ZDHHC20: variants seen among roughly 807,000 people sequenced by gnomAD.
ZDHHC20 encodes palmitoyltransferase ZDHHC20.
Under a neutral mutation model 57.8 loss-of-function variants are expected in ZDHHC20, and 43 were observed. The observed-to-expected ratio is 0.74, with a 90% CI of 0.58 to 0.96. The LOEUF is 0.96. Among genes scored for constraint, ZDHHC20 ranks in the 40% least tolerant of loss-of-function variants. The pLI is 0.00. For synonymous variants in ZDHHC20, 157 were observed against 153.0 expected (o/e 1.03, Z -0.19); for missense variants, 391 against 441.1 (o/e 0.89, Z 1.02).
chr13:21,445,953 T>G (rs1007944167), intron 1 of ZDHHC20, among the ~76,000 whole-genome samples: 1 of 152,130 alleles, frequency 6.6e-6, no homozygotes, highest in Non-Finnish European at 1.5e-5. Flanking sequence ...TGCGGAAATC[T>G]GGGAGGAAAG....
chr13:21,446,003 G>A (rs777400203), intron 1 of ZDHHC20, among the ~76,000 whole-genome samples: 5 of 152,202 alleles, frequency 3.3e-5, no homozygotes, highest in Non-Finnish European at 7.3e-5. Context: ...AGGGTCCTCA[G>A]GTGGCCTGAC....
chr13:21,397,783 C>T (rs1385774487), intron 7 of ZDHHC20, among the ~76,000 whole-genome samples: 2 of 152,120 alleles, frequency 1.3e-5, no homozygotes, highest in African/African-American at 2.4e-5. Context: ...ACAAAAAAGA[C>T]ATGCCAGTAG....
At chr13:21,446,865 T>G (rs952519053) in intron 1 of ZDHHC20, among the ~76,000 whole-genome samples, 2 of 152,028 alleles carry the variant, frequency 1.3e-5, no homozygotes, top group African/African-American at 4.8e-5. Flanking sequence ...TTTCTTAAGC[T>G]AGAGATAAAA....
At chr13:21,418,301 G>A (rs1880246216) in intron 3 of ZDHHC20, among the ~76,000 whole-genome samples, 1 of 152,100 alleles carries the variant, frequency 6.6e-6, no homozygotes, top group Non-Finnish European at 1.5e-5. Context: ...TAGGAGTAGA[G>A]GAGAATGAAG....
At chr13:21,451,323 G>A (rs1283558383) in intron 1 of ZDHHC20, among the ~76,000 whole-genome samples, 1 of 152,012 alleles carries the variant, frequency 6.6e-6, no homozygotes, top group Non-Finnish European at 1.5e-5. Context: ...ATTCAAACAC[G>A]ATTCAAGTGA....
At chr13:21,420,275 G>A (rs914506218) in intron 3 of ZDHHC20, among the ~76,000 whole-genome samples, 9 of 152,208 alleles carry the variant, frequency 5.9e-5, no homozygotes, top group East Asian at 1.9e-4. Flanking sequence ...TGACAAGAGC[G>A]AAACTCCATC....
chr13:21,391,274 GATTAATTTTTGAAACGACACTGTATGA>G (rs1185059450), intron 8 of ZDHHC20, among the ~76,000 whole-genome samples: 4 of 152,066 alleles, frequency 2.6e-5, no homozygotes, highest in Non-Finnish European at 4.4e-5. Context: ...GCCTCTTATA[GATTAATTTTTGAAACGACACTGTATGA>G]ATGCAGGAAA....
intron 4 of ZDHHC20, among the ~76,000 whole-genome samples, chr13:21,406,746 G>C (rs1012162301): frequency 6.6e-6 from 1 of 152,070 alleles, no homozygotes; most frequent in South Asian, 2.1e-4. Flanking sequence ...AGTATTCCAT[G>C]GTGTATATAT....
At chr13:21,401,201 C>T (rs1023503241) in intron 6 of ZDHHC20, among the ~76,000 whole-genome samples, 2 of 151,968 alleles carry the variant, frequency 1.3e-5, no homozygotes, top group African/African-American at 4.8e-5. Context: ...ATCACCTGAG[C>T]CCAGAAGGTC....
intron 2 of ZDHHC20, among the ~76,000 whole-genome samples, chr13:21,422,166 T>G (rs1179400582): frequency 1.3e-5 from 2 of 152,016 alleles, no homozygotes; most frequent in African/African-American, 4.8e-5. Flanking sequence ...TCCAGGTATT[T>G]TAATGATTTT....
At chr13:21,409,906 G>A (rs988459055) in intron 4 of ZDHHC20, among the ~76,000 whole-genome samples, 1 of 151,998 alleles carries the variant, frequency 6.6e-6, no homozygotes, top group African/African-American at 2.4e-5. Flanking sequence ...ACTCAATCTC[G>A]GTCCAGTTTT....
At chr13:21,433,003 C>T (rs1009456017) in intron 1 of ZDHHC20, among the ~76,000 whole-genome samples, 19 of 152,202 alleles carry the variant, frequency 1.2e-4, no homozygotes, top group African/African-American at 4.6e-4. Flanking sequence ...TACTCAGATA[C>T]TACAGTCTTG....
chr13:21,403,440 T>G (rs1036860161), intron 4 of ZDHHC20, among the ~76,000 whole-genome samples: 1 of 152,224 alleles, frequency 6.6e-6, no homozygotes, highest in African/African-American at 2.4e-5. Flanking sequence ...TCATTTAAAA[T>G]GTATGGAACA....
chr13:21,411,358 A>G (rs1335729738), intron 4 of ZDHHC20, among the ~76,000 whole-genome samples: 2 of 152,242 alleles, frequency 1.3e-5, no homozygotes, highest in Non-Finnish European at 2.9e-5. Context: ...AGGGCCTTCT[A>G]TAACACCTTG....
intron 12 of ZDHHC20, among the ~76,000 whole-genome samples, chr13:21,378,287 T>C (rs1219519112): frequency 6.6e-6 from 1 of 152,154 alleles, no homozygotes; most frequent in African/African-American, 2.4e-5. Context: ...CTCTCACTCC[T>C]GGACTTAAGT....
chr13:21,443,622 C>T (rs147103985), intron 1 of ZDHHC20, among the ~76,000 whole-genome samples: 11 of 152,310 alleles, frequency 7.2e-5, no homozygotes, highest in Admixed American at 7.2e-4. Flanking sequence ...ACTAAGTCAA[C>T]TTCTCAAGTT....
At chr13:21,401,878 T>C (rs1305845262) in intron 5 of ZDHHC20, among the ~76,000 whole-genome samples, 193 bp from the exon 6 acceptor site, 1 of 152,258 alleles carries the variant, frequency 6.6e-6, no homozygotes, top group Non-Finnish European at 1.5e-5. Context: ...ATGATTTTTA[T>C]ACTGGGAATT....
chr13:21,438,134 T>C (rs963674565), intron 1 of ZDHHC20, among the ~76,000 whole-genome samples: 1 of 152,238 alleles, frequency 6.6e-6, no homozygotes, highest in African/African-American at 2.4e-5. Context: ...GTTGTTTTTA[T>C]GCCTGCTAAC....
intron 10 of ZDHHC20, chr13:21,381,770 T>A: frequency 1.7e-6 from 1 of 579,736 alleles, no homozygotes. Context: ...ACACTGCCAA[T>A]GAAAACAATT....
Sources: gnomAD v4.1 joint callset for allele counts (sites outside exome capture counted in the v4.1 genomes callset) on GRCh38, gnomAD v4.1.1 for gene constraint, MANE v1.5 for transcripts, NCBI Gene and HGNC (gene_info 2026-07-23, HGNC 2026-07-21) for gene names.